The following HSP90AA1 variants were observed in gnomAD, a reference collection of about 807,000 sequenced individuals.
The protein encoded by HSP90AA1 is heat shock protein HSP 90-alpha.
In HSP90AA1, 18 loss-of-function variants were observed where a neutral mutation model predicts 73.3. That is an observed-to-expected ratio of 0.25 (90% CI 0.17 to 0.36). HSP90AA1 has a LOEUF of 0.36. Among genes scored for constraint, HSP90AA1 ranks in the 10% least tolerant of loss-of-function variants. The probability of loss-of-function intolerance (pLI) is 1.00; values close to 1 mark genes in which losing one functional copy is unlikely to be tolerated. For missense variants in HSP90AA1, 704 were observed against 874.2 expected (o/e 0.81, Z 2.45); for synonymous variants, 477 against 296.9 (o/e 1.61, Z -6.24).
In HSP90AA1 at chr14:102,086,392, G is replaced by A. The variant is rs534223331; in HGVS notation, c.1-14C>T. 11 of 1,614,118 alleles carry A rather than the reference G, an allele frequency of 6.8e-6. No homozygotes were observed. The East Asian group carries it at 1.6e-4, about 23-fold the overall frequency. On this transcript the variant is annotated splice_polypyrimidine_tract_variant and intron_variant, in intron 1 of 10. Transcript: ENST00000216281. ...TTCCTCAGGCATCTGGAACGACACC[G>A]CGCCGGTTTAAAACCTTGCAGGACG...
intron 1 of HSP90AA1, among the ~76,000 whole-genome samples, chr14:102,133,648 T>C (rs1316017867): frequency 1.3e-5 from 2 of 151,958 alleles, no homozygotes; most frequent in African/African-American, 4.8e-5. Context: ...CACGCCTGGC[T>C]AATTTTGTAT....
exon 2 of HSP90AA1, chr14:102,102,035 T>C: frequency 6.2e-7 from 1 of 1,614,088 alleles, no homozygotes; most frequent in Admixed American, 1.7e-5. Flanking sequence ...CACCATCAGA[T>C]GCCAGAGAAA....
intron 1 of HSP90AA1, chr14:102,139,128 T>A: frequency 8.2e-7 from 1 of 1,213,940 alleles, no homozygotes; most frequent in Non-Finnish European, 1.2e-6. Context: ...CCGCCAGTGC[T>A]CATCACACGC....
At chr14:102,118,280 GGTTT>G (rs1242438851) in intron 1 of HSP90AA1, among the ~76,000 whole-genome samples, 4 of 151,980 alleles carry the variant, frequency 2.6e-5, no homozygotes, top group African/African-American at 9.7e-5. Flanking sequence ...CACTTATAGT[GGTTT>G]ATCAGATAAA....
chr14:102,092,463 G>A (rs1034721445), intron 2 of HSP90AA1, among the ~76,000 whole-genome samples: 3 of 152,114 alleles, frequency 2.0e-5, no homozygotes, highest in Non-Finnish European at 4.4e-5. Flanking sequence ...TAATGGCCCA[G>A]AATATGGTCT....
At chr14:102,084,641 TAATC>T in intron 5 of HSP90AA1, 36 bp downstream of exon 5, 5 of 1,614,158 alleles carry the variant, frequency 3.1e-6, no homozygotes, top group Non-Finnish European at 4.2e-6. Context: ...AGAAAGATGA[TAATC>T]TAAGGACAAG....
chr14:102,131,045 T>C (rs1207761769), intron 1 of HSP90AA1, among the ~76,000 whole-genome samples: 1 of 152,236 alleles, frequency 6.6e-6, no homozygotes, highest in Non-Finnish European at 1.5e-5. Flanking sequence ...ACTACCTATC[T>C]GCTGATAACT....
intron 1 of HSP90AA1, among the ~76,000 whole-genome samples, chr14:102,127,678 G>C (rs987518553): frequency 6.6e-6 from 1 of 152,046 alleles, no homozygotes; most frequent in Non-Finnish European, 1.5e-5. Flanking sequence ...TTGAGTCAAG[G>C]TCTTGTTCTG....
intron 8 of HSP90AA1, 37 bp from the exon 9 acceptor site, chr14:102,083,339 A>C: frequency 1.2e-6 from 2 of 1,610,142 alleles, no homozygotes; most frequent in Non-Finnish European, 1.7e-6. Context: ...ACCTTTTAAC[A>C]GTTAAGAATG....
chr14:102,082,934 TTC>T (rs1250441628), intron 9 of HSP90AA1, 98 bp downstream of exon 9: 12 of 1,265,142 alleles, frequency 9.5e-6, no homozygotes, highest in African/African-American at 1.5e-5. Flanking sequence ...CAACATAGTT[TTC>T]TGTTTTAAGT....
intron 1 of HSP90AA1, among the ~76,000 whole-genome samples, chr14:102,105,416 G>A (rs180726403): frequency 4.6e-5 from 7 of 152,198 alleles, no homozygotes; most frequent in Admixed American, 3.9e-4. Flanking sequence ...CAGTGAGGAC[G>A]AGAAAAGGCT....
At position 102,084,996 on chromosome 14, in the gene HSP90AA1, C is replaced by T. The variant is rs771896353; in HGVS notation, c.666G>A (p.Val222=). Reference sequence around the variant, plus strand: ...TTACTTCTTTATCACGTTCCTTCTCCACCTTCAAAAGAAAACACGAAATCA... The same window carrying T: ...TTACTTCTTTATCACGTTCCTTCTCTACCTTCAAAAGAAAACACGAAATCA... ...QFIGYPITLF[V]EKERDKEVSD... The change falls in exon 5 of 11, where the codon GTG becomes GTA. Residue 222 remains valine (V), a splice_region_variant and synonymous_variant. Transcript: ENST00000216281. 5.0e-6 allele frequency: 8 copies of T among 1,613,720 alleles called. No individual in the cohort carries two copies. The South Asian group carries it at 8.8e-5, about 18-fold the overall frequency.
At chr14:102,126,024 C>T (rs902238635) in intron 1 of HSP90AA1, among the ~76,000 whole-genome samples, 37 of 152,058 alleles carry the variant, frequency 2.4e-4, no homozygotes, top group Non-Finnish European at 5.1e-4. Context: ...AAGTGCTATA[C>T]GGGAAATAAT....
At chr14:102,095,579 G>C (rs139782147) in intron 2 of HSP90AA1, among the ~76,000 whole-genome samples, 290 of 152,266 alleles carry the variant, frequency 1.9e-3, no homozygotes, top group Middle Eastern at 0.017. Flanking sequence ...ACAAACAAGT[G>C]GGATGCCTTT....
At chr14:102,120,379 T>G (rs955877563) in intron 1 of HSP90AA1, among the ~76,000 whole-genome samples, 1 of 151,904 alleles carries the variant, frequency 6.6e-6, no homozygotes, top group African/African-American at 2.4e-5. Context: ...ACGAAAAGAA[T>G]ACAGATGATT....
intron 1 of HSP90AA1, among the ~76,000 whole-genome samples, chr14:102,106,767 C>T (rs2049574161): frequency 1.3e-5 from 2 of 151,986 alleles, no homozygotes. Context: ...TGGTCTTGAA[C>T]TCCTGACCTC....
Position 102,111,884 on chromosome 14 carries a change from TG to T in HSP90AA1, c.156-9800del, listed in dbSNP as rs751307809. On this transcript the variant is annotated intron_variant, in intron 1 of 11. Coordinates refer to the HSP90AA1 transcript ENST00000334701. ...CTACTTGTGTTATGGTTTTCAGTGG[TG>T]GTGTTTACAAGTCAAGCTATTCTGA... Among the ~76,000 whole-genome samples, 10 of 152,326 alleles carry T rather than the reference TG, an allele frequency of 6.6e-5. No homozygotes were observed. In the East Asian group the frequency reaches 7.7e-4, roughly 12 times the overall value.
chr14:102,128,529 T>A (rs2049865252), intron 1 of HSP90AA1, among the ~76,000 whole-genome samples: 1 of 150,120 alleles, frequency 6.7e-6, no homozygotes, highest in South Asian at 2.1e-4. Flanking sequence ...CTCGGGAGGC[T>A]GAGGCAGGAG....
chr14:102,126,522 ATTCT>A (rs2049840793), intron 1 of HSP90AA1, among the ~76,000 whole-genome samples: 1 of 151,786 alleles, frequency 6.6e-6, no homozygotes, highest in Non-Finnish European at 1.5e-5. Context: ...CCTCGACTAG[ATTCT>A]TTTTTTTTTT....
Sources: gnomAD v4.1 joint callset for allele counts (sites outside exome capture counted in the v4.1 genomes callset) on GRCh38, gnomAD v4.1.1 for gene constraint, MANE v1.5 for transcripts, NCBI Gene and HGNC (gene_info 2026-07-23, HGNC 2026-07-21) for gene names.